Variants in SINHCAF observed in about 807,000 individuals in gnomAD.
The protein encoded by SINHCAF is SIN3-HDAC complex associated factor.
Under a neutral mutation model 25.8 loss-of-function variants are expected in SINHCAF, and 3 were observed. The ratio of observed to expected loss-of-function variants is 0.12; its 90% CI spans 0.05 to 0.30. The LOEUF is 0.30. Among genes scored for constraint, SINHCAF ranks in the 10% least tolerant of loss-of-function variants. The probability of loss-of-function intolerance (pLI) is 1.00; values close to 1 mark genes in which losing one functional copy is unlikely to be tolerated. For synonymous variants in SINHCAF, 70 were observed against 85.5 expected, an observed-to-expected ratio of 0.82 and a Z score of 1.00; for missense variants, 121 against 262.3, an observed-to-expected ratio of 0.46 and a Z score of 3.72.
intron 1 of SINHCAF, among the ~76,000 whole-genome samples, chr12:31,307,487 C>T (rs2137113448): frequency 6.6e-6 from 1 of 152,072 alleles, no homozygotes; most frequent in Middle Eastern, 3.4e-3. Context: ...CCCAGGAGGT[C>T]AAGGCAGCAG....
intron 4 of SINHCAF, among the ~76,000 whole-genome samples, chr12:31,291,359 C>T (rs535986108): frequency 2.6e-5 from 4 of 152,312 alleles, no homozygotes; most frequent in South Asian, 4.1e-4. Context: ...TATGGTTAAA[C>T]GTCAAGTGAC....
At chr12:31,290,789 G>A (rs945719775) in intron 4 of SINHCAF, among the ~76,000 whole-genome samples, 3 of 152,062 alleles carry the variant, frequency 2.0e-5, no homozygotes, top group African/African-American at 7.2e-5. Flanking sequence ...GCACAATCTC[G>A]GCTCACCACA....
At chr12:31,297,299 G>T (rs1938588840) in intron 2 of SINHCAF, among the ~76,000 whole-genome samples, 1 of 151,826 alleles carries the variant, frequency 6.6e-6, no homozygotes, top group Non-Finnish European at 1.5e-5. Context: ...AGGACTACAG[G>T]CATGTACCGC....
chr12:31,304,163 TGCCAGCTATTTA>T (rs1450688525), intron 1 of SINHCAF: 1 of 151,118 alleles, frequency 6.6e-6, no homozygotes, highest in Non-Finnish European at 1.5e-5. Context: ...CCAGCTATTT[TGCCAGCTATTTA>T]CACTATGTGC....
chr12:31,301,556 C>T (rs1269378336), intron 1 of SINHCAF, among the ~76,000 whole-genome samples: 1 of 152,128 alleles, frequency 6.6e-6, no homozygotes, highest in Non-Finnish European at 1.5e-5. Context: ...ACCTATTAAG[C>T]CTTTTCTGAG....
intron 5 of SINHCAF, among the ~76,000 whole-genome samples, chr12:31,285,401 A>G (rs1938001370): frequency 7.8e-6 from 1 of 128,862 alleles, no homozygotes; most frequent in South Asian, 2.7e-4. Context: ...ACATAGACAT[A>G]TATTTATATA....
intron 1 of SINHCAF, among the ~76,000 whole-genome samples, chr12:31,309,664 ATTT>A (rs869251301): frequency 2.3e-5 from 3 of 128,728 alleles, no homozygotes; most frequent in East Asian, 4.3e-4. Context: ...TCAACTTGTG[ATTT>A]TTTTTTTTTT....
chr12:31,302,866 A>G, intron 1 of SINHCAF: 1 of 864,302 alleles, frequency 1.2e-6, no homozygotes, highest in South Asian at 5.3e-5. Context: ...AGTACCTGTT[A>G]GTAAAATATT....
intron 2 of SINHCAF, among the ~76,000 whole-genome samples, chr12:31,295,757 A>G (rs1938520122): frequency 6.6e-6 from 1 of 152,040 alleles, no homozygotes. Flanking sequence ...CTGTAGTCCC[A>G]GCTACTCAAG....
intron 1 of SINHCAF, among the ~76,000 whole-genome samples, chr12:31,299,810 C>A (rs1458363396): frequency 6.6e-6 from 1 of 152,126 alleles, no homozygotes; most frequent in African/African-American, 2.4e-5. Flanking sequence ...ACATCAGTGT[C>A]CTCACATAAA....
chr12:31,308,857 G>A (rs1469430603), intron 1 of SINHCAF, among the ~76,000 whole-genome samples: 1 of 152,138 alleles, frequency 6.6e-6, no homozygotes, highest in Non-Finnish European at 1.5e-5. Context: ...GACAGGCACA[G>A]TGGCTCACAC....
chr12:31,292,169 G>C (rs1465285661), intron 4 of SINHCAF, among the ~76,000 whole-genome samples: 1 of 152,172 alleles, frequency 6.6e-6, no homozygotes, highest in East Asian at 1.9e-4. Context: ...GCCTTCAAGT[G>C]ATAAAAGAAA....
At chr12:31,309,749 T>C (rs544517252) in intron 1 of SINHCAF, among the ~76,000 whole-genome samples, 13 of 145,294 alleles carry the variant, frequency 8.9e-5, no homozygotes, top group Admixed American at 6.4e-4. Context: ...CACCGCAACC[T>C]CCGCCTCCCA....
intron 1 of SINHCAF, among the ~76,000 whole-genome samples, chr12:31,313,191 T>C (rs574945748): frequency 4.8e-5 from 7 of 146,714 alleles, no homozygotes; most frequent in African/African-American, 7.7e-5. Flanking sequence ...CGCCCAGCTA[T>C]TTTTTTTTTG....
At chr12:31,311,840 TC>T (rs1356299147) in intron 1 of SINHCAF, 10 of 479,886 alleles carry the variant, frequency 2.1e-5, no homozygotes, top group Non-Finnish European at 3.3e-5. Context: ...AGGAATGTTG[TC>T]CCAGCGTTGA....
intron 4 of SINHCAF, among the ~76,000 whole-genome samples, chr12:31,293,020 C>T (rs1445211438): frequency 2.0e-5 from 3 of 152,130 alleles, no homozygotes; most frequent in Non-Finnish European, 4.4e-5. Context: ...TCTGGCATGA[C>T]CTAAACTATG....
intron 1 of SINHCAF, among the ~76,000 whole-genome samples, chr12:31,301,486 C>A (rs1938792056): frequency 6.6e-6 from 1 of 152,194 alleles, no homozygotes; most frequent in Non-Finnish European, 1.5e-5. Context: ...GTGGCAGACA[C>A]CTGTCCTTAT....
intron 1 of SINHCAF, among the ~76,000 whole-genome samples, chr12:31,299,585 G>A (rs1201297450): frequency 6.6e-6 from 1 of 152,044 alleles, no homozygotes; most frequent in Non-Finnish European, 1.5e-5. Flanking sequence ...CAAAGTGCTG[G>A]GATTACAGGC....
At chr12:31,308,242 C>T (rs1939115326) in intron 1 of SINHCAF, among the ~76,000 whole-genome samples, 1 of 152,124 alleles carries the variant, frequency 6.6e-6, no homozygotes. Context: ...GCCTGGCCTA[C>T]TAATCTTTCT....
Sources: gnomAD v4.1 joint callset for allele counts (sites outside exome capture counted in the v4.1 genomes callset) on GRCh38, gnomAD v4.1.1 for gene constraint, MANE v1.5 for transcripts, NCBI Gene and HGNC (gene_info 2026-07-23, HGNC 2026-07-21) for gene names.